Variants in EGFR observed in about 807,000 individuals in gnomAD.
EGFR encodes the protein epidermal growth factor receptor, also known as avian erythroblastic leukemia viral (v-erb-b) oncogene homolog.
In EGFR, 58 loss-of-function variants were observed where a neutral mutation model predicts 143.0. The observed-to-expected ratio is 0.41, with a 90% CI of 0.33 to 0.50. The LOEUF (loss-of-function observed/expected upper bound fraction) is 0.50, where lower values mean the gene tolerates loss of function less well. EGFR is among the 20% of genes least tolerant of loss of function. The pLI, the probability that EGFR is intolerant of heterozygous loss-of-function variation, is 0.39. For missense variants in EGFR, 1,307 were observed against 1,579.0 expected (o/e 0.83, Z 2.92); for synonymous variants, 613 against 594.4 (o/e 1.03, Z -0.45).
intron 11 of EGFR, among the ~76,000 whole-genome samples, chr7:55,159,563 G>A (rs1277903053): frequency 6.6e-6 from 1 of 152,198 alleles, no homozygotes; most frequent in African/African-American, 2.4e-5. Flanking sequence ...TCCCAGACCT[G>A]GTCAGAGGCC....
intron 1 of EGFR, among the ~76,000 whole-genome samples, chr7:55,084,595 A>G (rs1022121557): frequency 7.9e-5 from 12 of 152,366 alleles, no homozygotes; most frequent in African/African-American, 2.6e-4. Flanking sequence ...ATAAAGCTGG[A>G]CAAGCTTCTG....
At chr7:55,162,972 A>C (rs192712115) in intron 13 of EGFR, among the ~76,000 whole-genome samples, 1 of 152,286 alleles carries the variant, frequency 6.6e-6, no homozygotes, top group East Asian at 1.9e-4. Flanking sequence ...TTGTAGTTTT[A>C]GTAGAGACGG....
chr7:55,123,875 G>A (rs1380072291), intron 1 of EGFR, among the ~76,000 whole-genome samples: 1 of 125,096 alleles, frequency 8.0e-6, no homozygotes, highest in East Asian at 2.9e-4. Context: ...GCATGCACGT[G>A]TGTAAATGGA....
At chr7:55,152,933 T>C (rs1229316036) in intron 6 of EGFR, among the ~76,000 whole-genome samples, 1 of 152,248 alleles carries the variant, frequency 6.6e-6, no homozygotes, top group African/African-American at 2.4e-5. Context: ...AATGCTTAAA[T>C]GATGAGATGC....
rs17289970 is a variant in EGFR, at chr7:55,159,292, G to A, written c.1299-847G>A. Among the ~76,000 whole-genome samples the A allele has an allele frequency of 4.2e-3, 640 of 152,212 alleles. 6 individuals carry two copies. Among genetic ancestry groups the A allele is most frequent in the South Asian group, 0.022 (105 of 4,804 alleles). Reference sequence around the variant, plus strand: ...CCATCGTGGTTCAGGAGGGGCTAGTGGTTCTCACACCCATCGTGGTCTGGC... The same window carrying A: ...CCATCGTGGTTCAGGAGGGGCTAGTAGTTCTCACACCCATCGTGGTCTGGC... On this transcript the variant is annotated intron_variant, in intron 11 of 27. Coordinates refer to ENST00000275493, the MANE Select transcript of EGFR (RefSeq NM_005228.5).
intron 1 of EGFR, among the ~76,000 whole-genome samples, chr7:55,099,862 T>C (rs1440325827): frequency 6.6e-6 from 1 of 151,788 alleles, no homozygotes; most frequent in Non-Finnish European, 1.5e-5. Context: ...TTCTCAACAC[T>C]GTAAGTGGAA....
chr7:55,138,311 C>T (rs531360775), intron 1 of EGFR, among the ~76,000 whole-genome samples: 87 of 152,282 alleles, frequency 5.7e-4, no homozygotes, highest in African/African-American at 2.0e-3. Context: ...GTAAGGCAAA[C>T]CACTAGCATT....
intron 1 of EGFR, among the ~76,000 whole-genome samples, chr7:55,069,179 A>G (rs1205827410): frequency 6.6e-6 from 1 of 152,160 alleles, no homozygotes; most frequent in Non-Finnish European, 1.5e-5. Flanking sequence ...TCTATGGTTA[A>G]TTTTTTTCTA....
intron 13 of EGFR, among the ~76,000 whole-genome samples, chr7:55,163,531 T>C (rs1304515761): frequency 1.3e-5 from 2 of 152,242 alleles, no homozygotes; most frequent in Non-Finnish European, 2.9e-5. Flanking sequence ...ATCTTGATTA[T>C]GAATGAAGCT....
intron 1 of EGFR, among the ~76,000 whole-genome samples, chr7:55,074,941 A>C (rs1011354240): frequency 4.6e-5 from 7 of 152,218 alleles, no homozygotes; most frequent in African/African-American, 1.4e-4. Context: ...TCTTTGGCAA[A>C]GGTTACTATT....
intron 1 of EGFR, among the ~76,000 whole-genome samples, chr7:55,105,074 G>GCT (rs1234701538): frequency 1.3e-5 from 2 of 152,210 alleles, no homozygotes; most frequent in Non-Finnish European, 1.5e-5. Flanking sequence ...TACAATGGAT[G>GCT]TTTGCTTTTG....
chr7:55,150,694 AT>A (rs1785106830), intron 4 of EGFR, among the ~76,000 whole-genome samples: 5 of 152,340 alleles, frequency 3.3e-5, no homozygotes, highest in Admixed American at 3.3e-4. Context: ...TGCAGCTATA[AT>A]TTGTAATCGG....
chr7:55,037,099 A>T (rs1336342458), intron 1 of EGFR, among the ~76,000 whole-genome samples: 1 of 152,240 alleles, frequency 6.6e-6, no homozygotes, highest in Non-Finnish European at 1.5e-5. Context: ...TGATCCTTAC[A>T]CTAATTGTAT....
rs768198843 is a variant in EGFR at position 55,205,506 on chromosome 7, G to A, written c.3522G>A (p.Gln1174=). 6 of 1,614,058 alleles carry A rather than the reference G, an allele frequency of 3.7e-6. No individual in the cohort carries two copies. The highest frequency in any genetic ancestry group is 3.3e-5 in the South Asian group (3 of 91,086). The change falls in exon 28 of 28, where the codon CAG becomes CAA. Residue 1174 remains glutamine, a synonymous_variant. Transcript: ENST00000275493. ...GCCTGGACAACCCTGACTACCAGCA[G>A]GACTTCTTTCCCAAGGAAGCCAAGC... ...QISLDNPDYQ[Q]DFFPKEAKPN... is the part of the protein sequence containing the mutation.
chr7:55,161,352 T>C, intron 12 of EGFR, 147 bp from the exon 13 acceptor site: 1 of 1,152,854 alleles, frequency 8.7e-7, no homozygotes, highest in South Asian at 1.6e-5. Context: ...AAGCCCAGTC[T>C]GTGTCCTCCT....
chr7:55,019,443 G>T (rs1163886716), intron 1 of EGFR, 78 bp downstream of exon 1: 4 of 946,410 alleles, frequency 4.2e-6, no homozygotes, highest in Non-Finnish European at 5.4e-6. Context: ...ACCGCGCACC[G>T]GCGCACCGGC....
At chr7:55,067,237 G>T (rs1456934865) in intron 1 of EGFR, among the ~76,000 whole-genome samples, 1 of 152,176 alleles carries the variant, frequency 6.6e-6, no homozygotes, top group Admixed American at 6.5e-5. Flanking sequence ...CCTCAAGGTG[G>T]TTGTGTCTGC....
At chr7:55,030,817 G>A (rs1396973209) in intron 1 of EGFR, among the ~76,000 whole-genome samples, 7 of 152,212 alleles carry the variant, frequency 4.6e-5, no homozygotes, top group Non-Finnish European at 7.3e-5. Flanking sequence ...TTCTGGCTGG[G>A]ATTTACTTGC....
At chr7:55,065,341 A>AC (rs2128880932) in intron 1 of EGFR, among the ~76,000 whole-genome samples, 1 of 152,314 alleles carries the variant, frequency 6.6e-6, no homozygotes, top group Non-Finnish European at 1.5e-5. Context: ...AACTCCCTGC[A>AC]CAAGTGAGCT....
Sources: allele counts gnomAD v4.1 joint callset (sites outside exome capture counted in the v4.1 genomes callset), GRCh38; gene constraint gnomAD v4.1.1; transcripts MANE v1.5; gene names NCBI Gene and HGNC (gene_info 2026-07-23, HGNC 2026-07-21).